Variants in AUTS2 observed in about 807,000 individuals in gnomAD.
The protein encoded by AUTS2 is activator of transcription and developmental regulator AUTS2, also known as autism susceptibility gene 2 protein.
A neutral mutation model predicts 112.4 loss-of-function variants in AUTS2; 17 were observed. That is an observed-to-expected ratio of 0.15 (90% CI 0.10 to 0.23). AUTS2 has a LOEUF of 0.23. Among genes scored for constraint, AUTS2 ranks in the 10% least tolerant of loss-of-function variants. AUTS2 has a pLI of 1.00. For missense variants in AUTS2, 1,510 were observed against 1,701.6 expected (o/e 0.89, Z 1.98); for synonymous variants, 751 against 702.7 (o/e 1.07, Z -1.09).
chr7:70,320,971 A>G (rs1222743075), intron 4 of AUTS2, among the ~76,000 whole-genome samples: 1 of 152,244 alleles, frequency 6.6e-6, no homozygotes, highest in Admixed American at 6.5e-5. Flanking sequence ...GAGTGACCAC[A>G]GGCAGTAAAC....
intron 5 of AUTS2, among the ~76,000 whole-genome samples, chr7:70,548,648 C>T (rs575929672): frequency 6.6e-6 from 1 of 152,224 alleles, no homozygotes; most frequent in African/African-American, 2.4e-5. Context: ...CACTGTTTAT[C>T]GAAAAGACTA....
chr7:70,648,420 T>C (rs1339326212), intron 5 of AUTS2, among the ~76,000 whole-genome samples: 1 of 152,166 alleles, frequency 6.6e-6, no homozygotes, highest in African/African-American at 2.4e-5. Context: ...GGAGCATCTG[T>C]GGTGAGTTTG....
chr7:70,457,423 TG>T (rs34804833), intron 5 of AUTS2, among the ~76,000 whole-genome samples: 3,476 of 152,244 alleles, frequency 0.023, 123 homozygotes, highest in African/African-American at 0.078. Flanking sequence ...TCTCTCCTTC[TG>T]GAGGGGTAGG....
chr7:69,773,410 A>C (rs1424655256), intron 1 of AUTS2, among the ~76,000 whole-genome samples: 2 of 151,136 alleles, frequency 1.3e-5, no homozygotes, highest in East Asian at 3.9e-4. Flanking sequence ...TGTGTCTCAT[A>C]CACGGTGCTA....
chr7:70,038,080 A>G (rs1200391453), intron 2 of AUTS2, among the ~76,000 whole-genome samples: 2 of 150,804 alleles, frequency 1.3e-5, no homozygotes, highest in African/African-American at 2.4e-5. Flanking sequence ...GTCCTGACCA[A>G]TGGCATTGAC....
intron 4 of AUTS2, among the ~76,000 whole-genome samples, chr7:70,393,467 G>A (rs888869744): frequency 5.3e-5 from 8 of 151,954 alleles, no homozygotes; most frequent in South Asian, 2.1e-4. Flanking sequence ...TACTGGGGTC[G>A]CAGAAAATTG....
intron 2 of AUTS2, among the ~76,000 whole-genome samples, chr7:69,937,591 G>T (rs1050449975): frequency 1.3e-5 from 2 of 152,232 alleles, no homozygotes; most frequent in South Asian, 4.2e-4. Context: ...TGTCTCTGGG[G>T]GTATGTGAGT....
intron 4 of AUTS2, among the ~76,000 whole-genome samples, chr7:70,141,566 A>G (rs981067841): frequency 6.6e-6 from 1 of 152,156 alleles, no homozygotes; most frequent in African/African-American, 2.4e-5. Flanking sequence ...ACATTGTCAC[A>G]TTTTTTAAAT....
chr7:70,207,039 G>A (rs1278847669), intron 4 of AUTS2, among the ~76,000 whole-genome samples: 2 of 152,122 alleles, frequency 1.3e-5, no homozygotes, highest in Non-Finnish European at 2.9e-5. Flanking sequence ...ACAGTAATTA[G>A]CATATGCATT....
At chr7:70,084,498 G>T (rs1209028988) in intron 2 of AUTS2, among the ~76,000 whole-genome samples, 2 of 152,208 alleles carry the variant, frequency 1.3e-5, no homozygotes, top group African/African-American at 2.4e-5. Context: ...ATGCTCACCA[G>T]CAGTGTGTAA....
chr7:70,361,281 C>T (rs1331586554), intron 4 of AUTS2, among the ~76,000 whole-genome samples: 1 of 151,688 alleles, frequency 6.6e-6, no homozygotes, highest in African/African-American at 2.4e-5. Flanking sequence ...TGCAGTGAGC[C>T]GAGATCGCGC....
At chr7:70,443,273 C>T (rs1458870319) in intron 5 of AUTS2, among the ~76,000 whole-genome samples, 1 of 152,088 alleles carries the variant, frequency 6.6e-6, no homozygotes, top group Non-Finnish European at 1.5e-5. Context: ...TTCTATTGCT[C>T]GCAATAGGTG....
At chr7:70,236,788 G>T (rs536301894) in intron 4 of AUTS2, among the ~76,000 whole-genome samples, 1 of 152,076 alleles carries the variant, frequency 6.6e-6, no homozygotes, top group African/African-American at 2.4e-5. Context: ...AGTACACATG[G>T]TGCTCCTTCC....
At chr7:70,147,785 C>G (rs935837297) in intron 4 of AUTS2, among the ~76,000 whole-genome samples, 2 of 152,004 alleles carry the variant, frequency 1.3e-5, no homozygotes, top group African/African-American at 4.8e-5. Flanking sequence ...GGTGGAAAGC[C>G]AAACCCAAGA....
At position 70,620,382 on chromosome 7, in the gene AUTS2, G is replaced by A. The variant is rs150077522; in HGVS notation, c.691-78187G>A. 3.9e-5 allele frequency among the ~76,000 whole-genome samples: 6 copies of A among 152,136 alleles called. No individual in the cohort carries two copies. In the East Asian group the frequency reaches 5.8e-4, roughly 15 times the overall value. On this transcript the variant is annotated intron_variant, in intron 5 of 18. Coordinates refer to ENST00000342771, the MANE Select transcript of AUTS2 (RefSeq NM_015570.4). ...AAATTCTCCAGCGGAGCGTGTAGCC[G>A]TACCCTGGTTTACCTGTTCAAGGAG...
At chr7:70,447,499 G>C (rs1796364970) in intron 5 of AUTS2, among the ~76,000 whole-genome samples, 1 of 152,196 alleles carries the variant, frequency 6.6e-6, no homozygotes, top group Non-Finnish European at 1.5e-5. Flanking sequence ...CTAATAGGTA[G>C]GTGCTAATAT....
chr7:69,842,170 T>A (rs1792009521), intron 1 of AUTS2, among the ~76,000 whole-genome samples: 1 of 152,176 alleles, frequency 6.6e-6, no homozygotes, highest in Non-Finnish European at 1.5e-5. Context: ...TATCAAGAAA[T>A]CTGAATGGTG....
chr7:70,406,892 A>G (rs1794558868), intron 4 of AUTS2, among the ~76,000 whole-genome samples: 1 of 152,210 alleles, frequency 6.6e-6, no homozygotes, highest in Non-Finnish European at 1.5e-5. Context: ...AAATAAAGAA[A>G]TTAACCATGC....
chr7:69,638,390 T>A (rs1794647317), intron 1 of AUTS2, among the ~76,000 whole-genome samples: 1 of 152,254 alleles, frequency 6.6e-6, no homozygotes, highest in South Asian at 2.1e-4. Context: ...AAGTTAATGA[T>A]CACAGCAGAA....
Sources: allele counts gnomAD v4.1 joint callset (sites outside exome capture counted in the v4.1 genomes callset), GRCh38; gene constraint gnomAD v4.1.1; transcripts MANE v1.5; gene names NCBI Gene and HGNC (gene_info 2026-07-23, HGNC 2026-07-21).